ADCK1: variants seen among roughly 807,000 people sequenced by gnomAD.
ADCK1 encodes the protein aarF domain-containing protein kinase 1.
ADCK1 carries 41 observed loss-of-function variants against 52.3 expected under a neutral mutation model. The observed-to-expected ratio is 0.78, with a 90% CI of 0.61 to 1.02. ADCK1 has a LOEUF of 1.02. Ranked by LOEUF, ADCK1 falls within the 50% of genes least tolerant of loss-of-function variation. The pLI is 0.00. For synonymous variants in ADCK1, 250 were observed against 274.6 expected (o/e 0.91, Z 0.89); for missense variants, 658 against 679.5 (o/e 0.97, Z 0.35).
chr14:77,859,907 C>T (rs1256989391), intron 4 of ADCK1, among the ~76,000 whole-genome samples: 1 of 152,168 alleles, frequency 6.6e-6, no homozygotes, highest in African/African-American at 2.4e-5. Flanking sequence ...ACGCTCTGGT[C>T]CCATTGTGCT....
chr14:77,816,774 A>T (rs1013168920), intron 1 of ADCK1, among the ~76,000 whole-genome samples: 2 of 151,422 alleles, frequency 1.3e-5, no homozygotes, highest in Non-Finnish European at 2.9e-5. Context: ...GAAGTTCCAG[A>T]GACCTGGACT....
intron 7 of ADCK1, chr14:77,914,397 C>T (rs112811997): frequency 0.019 from 18,974 of 985,360 alleles, 209 homozygotes; most frequent in Non-Finnish European, 0.021. Flanking sequence ...CCTTGCTATG[C>T]TTCTTCTAGT....
At chr14:77,877,469 C>G (rs1385990613) in intron 4 of ADCK1, among the ~76,000 whole-genome samples, 1 of 152,198 alleles carries the variant, frequency 6.6e-6, no homozygotes, top group Non-Finnish European at 1.5e-5. Flanking sequence ...ATTCACGGCC[C>G]TCATCAGAAA....
At chr14:77,822,607 C>A in intron 3 of ADCK1, 89 bp downstream of exon 3, 3 of 1,144,254 alleles carry the variant, frequency 2.6e-6, no homozygotes, top group Non-Finnish European at 3.9e-6. Flanking sequence ...ACCTCACCCC[C>A]GCAAAGTGCT....
intron 4 of ADCK1, among the ~76,000 whole-genome samples, chr14:77,877,289 A>T (rs2082921990): frequency 6.6e-6 from 1 of 152,232 alleles, no homozygotes; most frequent in African/African-American, 2.4e-5. Flanking sequence ...TAGCTTAGGC[A>T]CATTTGCTGT....
chr14:77,924,306 C>T, intron 7 of ADCK1, 151 bp from the exon 8 acceptor site: 2 of 914,808 alleles, frequency 2.2e-6, no homozygotes, highest in Non-Finnish European at 3.2e-6. Flanking sequence ...AAGAGTATGT[C>T]ATCTCAAACA....
At chr14:77,862,925 C>T (rs1183184911) in intron 4 of ADCK1, among the ~76,000 whole-genome samples, 6 of 152,138 alleles carry the variant, frequency 3.9e-5, no homozygotes, top group African/African-American at 1.2e-4. Flanking sequence ...AAGCAGGTGG[C>T]CTCTGACCCA....
intron 4 of ADCK1, among the ~76,000 whole-genome samples, chr14:77,877,332 G>A (rs79003212): frequency 3.9e-5 from 6 of 152,202 alleles, no homozygotes; most frequent in South Asian, 4.1e-4. Flanking sequence ...AGCCCAGGAC[G>A]TCTGTCCTGA....
chr14:77,930,583 C>T (rs1295765481), intron 9 of ADCK1, among the ~76,000 whole-genome samples: 5 of 152,132 alleles, frequency 3.3e-5, no homozygotes, highest in African/African-American at 1.2e-4. Flanking sequence ...GGTGAGGGCA[C>T]AGGCTCGGGA....
At chr14:77,880,176 G>T (rs116804676) in intron 4 of ADCK1, among the ~76,000 whole-genome samples, 5 of 152,162 alleles carry the variant, frequency 3.3e-5, no homozygotes, top group African/African-American at 7.2e-5. Flanking sequence ...CCTGTCAGCC[G>T]CTGGTCATCA....
intron 3 of ADCK1, among the ~76,000 whole-genome samples, chr14:77,840,521 C>G (rs1329763637): frequency 6.6e-6 from 1 of 152,058 alleles, no homozygotes; most frequent in Non-Finnish European, 1.5e-5. Context: ...CTGAGTAATT[C>G]TGGATAATCT....
At chr14:77,888,214 C>T (rs996682226) in intron 5 of ADCK1, among the ~76,000 whole-genome samples, 12 of 152,046 alleles carry the variant, frequency 7.9e-5, no homozygotes, top group Non-Finnish European at 2.9e-5. Context: ...GGAAGGACAG[C>T]CCCGCGGGTG....
chr14:77,922,847 G>T (rs934163679), intron 7 of ADCK1, among the ~76,000 whole-genome samples: 4 of 152,176 alleles, frequency 2.6e-5, no homozygotes, highest in African/African-American at 9.7e-5. Flanking sequence ...CATTCTTGAT[G>T]ATTTAATTTG....
At chr14:77,900,457 C>T (rs908792160) in intron 6 of ADCK1, 3 of 355,456 alleles carry the variant, frequency 8.4e-6, no homozygotes, top group Non-Finnish European at 1.7e-5. Flanking sequence ...CATGGTGGTG[C>T]ACTCCTGTAA....
intron 2 of ADCK1, among the ~76,000 whole-genome samples, chr14:77,819,982 G>C (rs2081545682): frequency 6.6e-6 from 1 of 152,216 alleles, no homozygotes; most frequent in Non-Finnish European, 1.5e-5. Context: ...CTGAGTCGTA[G>C]AACCAATACT....
rs1445629800 is a variant in ADCK1 at position 77,850,592 on chromosome 14, T to C, written c.220-8484T>C. On this transcript the variant is annotated intron_variant, in intron 3 of 10. Transcript: ENST00000238561. ...ATTCTTTTCTCTGAAATCAATTTTG[T>C]CTGCTATAAATATAGCTGTTTCAGC... 2.6e-5 allele frequency among the ~76,000 whole-genome samples: 4 copies of C among 152,276 alleles called. No homozygotes were observed. In the East Asian group the frequency reaches 5.8e-4, roughly 22 times the overall value.
At chr14:77,817,156 C>T (rs1373491780) in intron 1 of ADCK1, among the ~76,000 whole-genome samples, 9 of 152,106 alleles carry the variant, frequency 5.9e-5, no homozygotes, top group African/African-American at 1.2e-4. Flanking sequence ...GCAGGAGAAA[C>T]GCTCCAACCT....
rs1230180749 is a variant in ADCK1, at chr14:77,909,666, T to C, written c.858+1747T>C. 2.6e-5 allele frequency among the ~76,000 whole-genome samples: 4 copies of C among 152,200 alleles called. No individual in the cohort carries two copies. In the East Asian group the frequency reaches 7.7e-4, roughly 29 times the overall value. On this transcript the variant is annotated intron_variant, in intron 7 of 10. Transcript: ENST00000238561. ...CCTCTAAGAGGGGCTGTGAAGACTA[T>C]GTGAGTTAGGGTGCAAACAGTGCTA...
intron 3 of ADCK1, among the ~76,000 whole-genome samples, chr14:77,827,033 C>T (rs2081724945): frequency 1.3e-5 from 2 of 152,068 alleles, no homozygotes; most frequent in East Asian, 3.9e-4. Flanking sequence ...GAAAGCCTGT[C>T]TGTGAATGGA....
Sources: gnomAD v4.1 joint callset for allele counts (sites outside exome capture counted in the v4.1 genomes callset) on GRCh38, gnomAD v4.1.1 for gene constraint, MANE v1.5 for transcripts, NCBI Gene and HGNC (gene_info 2026-07-23, HGNC 2026-07-21) for gene names.